Variants in CNTN5 observed in about 807,000 individuals in gnomAD.
CNTN5 encodes contactin-5.
CNTN5 carries 77 observed loss-of-function variants against 129.1 expected under a neutral mutation model. That is an observed-to-expected ratio of 0.60 (90% CI 0.50 to 0.72). The LOEUF is 0.72. Among genes scored for constraint, CNTN5 ranks in the 30% least tolerant of loss-of-function variants. The pLI, the probability that CNTN5 is intolerant of heterozygous loss-of-function variation, is 0.00. For synonymous variants in CNTN5, 509 were observed against 465.6 expected (o/e 1.09, Z -1.20); for missense variants, 1,478 against 1,328.8 (o/e 1.11, Z -1.75).
At chr11:99,096,559 G>T (rs1043570067) in intron 1 of CNTN5, among the ~76,000 whole-genome samples, 2 of 151,684 alleles carry the variant, frequency 1.3e-5, no homozygotes, top group East Asian at 3.9e-4. Context: ...GATCCCCAGG[G>T]TAATTCTTTA....
At chr11:100,291,455 G>T (rs910899713) in intron 18 of CNTN5, among the ~76,000 whole-genome samples, 2 of 142,242 alleles carry the variant, frequency 1.4e-5, no homozygotes, top group African/African-American at 2.6e-5. Flanking sequence ...CATGTCCTTT[G>T]TAGGGACATG....
chr11:99,450,487 G>A (rs1465546171), intron 2 of CNTN5, among the ~76,000 whole-genome samples: 1 of 152,052 alleles, frequency 6.6e-6, no homozygotes, highest in Non-Finnish European at 1.5e-5. Context: ...ACATGTAAAA[G>A]ATGATAATCT....
intron 2 of CNTN5, among the ~76,000 whole-genome samples, chr11:99,338,549 C>A (rs1866342016): frequency 6.6e-6 from 1 of 152,026 alleles, no homozygotes; most frequent in South Asian, 2.1e-4. Flanking sequence ...CTATTTTTAA[C>A]ATTCAGTGAG....
At chr11:100,224,972 A>G (rs537212715) in intron 16 of CNTN5, 160 bp downstream of exon 16, 13 of 623,432 alleles carry the variant, frequency 2.1e-5, no homozygotes, top group Admixed American at 1.7e-4. Context: ...TGAAAAAATT[A>G]CATGGAAAAC....
At chr11:99,217,791 A>G (rs889541877) in intron 1 of CNTN5, among the ~76,000 whole-genome samples, 1 of 152,076 alleles carries the variant, frequency 6.6e-6, no homozygotes, top group African/African-American at 2.4e-5. Context: ...GGGCTTTTAC[A>G]TAAGGCCAAT....
At chr11:100,296,377 G>C (rs1478376825) in intron 18 of CNTN5, among the ~76,000 whole-genome samples, 3 of 151,172 alleles carry the variant, frequency 2.0e-5, no homozygotes, top group Non-Finnish European at 4.4e-5. Context: ...GTGATTTCTT[G>C]AATGAGAGAA....
intron 3 of CNTN5, among the ~76,000 whole-genome samples, chr11:99,732,298 G>T (rs999390538): frequency 6.6e-6 from 1 of 152,194 alleles, no homozygotes; most frequent in Non-Finnish European, 1.5e-5. Flanking sequence ...CAGGGGTGAT[G>T]AGAGGTCAGA....
chr11:99,406,070 G>A (rs1005672481), intron 2 of CNTN5, among the ~76,000 whole-genome samples: 17 of 151,278 alleles, frequency 1.1e-4, no homozygotes, highest in Non-Finnish European at 1.3e-4. Context: ...TAGTTCACTT[G>A]GTGAGGTTAT....
chr11:100,289,358 C>A (rs1388910865), intron 18 of CNTN5, among the ~76,000 whole-genome samples: 1 of 151,954 alleles, frequency 6.6e-6, no homozygotes, highest in Non-Finnish European at 1.5e-5. Context: ...CAAAAATCCT[C>A]AATAAAATAC....
intron 3 of CNTN5, among the ~76,000 whole-genome samples, chr11:99,654,216 A>G (rs1470041357): frequency 1.3e-5 from 2 of 151,912 alleles, no homozygotes; most frequent in African/African-American, 4.8e-5. Flanking sequence ...TTAAAATAGC[A>G]GATGTCCACA....
At chr11:99,338,793 T>C (rs760170344) in intron 2 of CNTN5, among the ~76,000 whole-genome samples, 1 of 151,690 alleles carries the variant, frequency 6.6e-6, no homozygotes, top group South Asian at 2.1e-4. Flanking sequence ...TTATGTAAAT[T>C]GTGTCAACTT....
intron 3 of CNTN5, among the ~76,000 whole-genome samples, chr11:99,810,317 A>G (rs1367801646): frequency 6.6e-6 from 1 of 152,192 alleles, no homozygotes; most frequent in Non-Finnish European, 1.5e-5. Context: ...AATAATTTCA[A>G]ATCACGCTTC....
intron 6 of CNTN5, among the ~76,000 whole-genome samples, chr11:99,859,458 C>T (rs1390342551): frequency 6.6e-6 from 1 of 152,140 alleles, no homozygotes; most frequent in African/African-American, 2.4e-5. Flanking sequence ...GTCCCATCAC[C>T]CAGTTACTTA....
intron 1 of CNTN5, among the ~76,000 whole-genome samples, chr11:99,067,951 G>C (rs574000385): frequency 9.9e-5 from 15 of 152,218 alleles, no homozygotes; most frequent in African/African-American, 3.4e-4. Context: ...TGCTGTTCTC[G>C]TGATAGTGAG....
intron 4 of CNTN5, among the ~76,000 whole-genome samples, chr11:99,825,578 G>C (rs1367135224): frequency 6.6e-6 from 1 of 151,916 alleles, no homozygotes; most frequent in Non-Finnish European, 1.5e-5. Context: ...GTGGTAAAAA[G>C]GATATCACTG....
chr11:100,150,528 AT>A (rs1309320251), intron 13 of CNTN5, among the ~76,000 whole-genome samples: 1 of 151,916 alleles, frequency 6.6e-6, no homozygotes, highest in African/African-American at 2.4e-5. Context: ...TTGTCAGTTA[AT>A]CTATAAATAT....
In CNTN5 at chr11:99,185,087, C is replaced by A. The variant is rs1333028288; in HGVS notation, c.-209-140259C>A. On this transcript the variant is annotated intron_variant, in intron 1 of 24. Transcript: ENST00000524871. ...TATGAATGGAGAAACCAAGTTGCCC[C>A]ATCTTTTATTTTGGAGAACACAGAA... Among the ~76,000 whole-genome samples, 9 of 151,668 alleles carry A rather than the reference C, an allele frequency of 5.9e-5. No homozygotes were observed. In the East Asian group the frequency reaches 1.7e-3, roughly 29 times the overall value.
intron 6 of CNTN5, among the ~76,000 whole-genome samples, chr11:99,859,273 T>A (rs1948134875): frequency 6.6e-6 from 1 of 152,250 alleles, no homozygotes; most frequent in South Asian, 2.1e-4. Flanking sequence ...CGGCTCAGAT[T>A]ACTGAACTTA....
At chr11:99,294,697 G>T (rs1247646794) in intron 1 of CNTN5, among the ~76,000 whole-genome samples, 1 of 152,096 alleles carries the variant, frequency 6.6e-6, no homozygotes, top group Non-Finnish European at 1.5e-5. Context: ...TGCGATTTTG[G>T]TTACTCTGCC....
Sources: allele counts gnomAD v4.1 joint callset (sites outside exome capture counted in the v4.1 genomes callset), GRCh38; gene constraint gnomAD v4.1.1; transcripts MANE v1.5; gene names NCBI Gene and HGNC (gene_info 2026-07-23, HGNC 2026-07-21).